RPGR: variants seen among roughly 807,000 people sequenced by gnomAD.
RPGR encodes the protein X-linked retinitis pigmentosa GTPase regulator.
In RPGR, 10 loss-of-function variants were observed where a neutral mutation model predicts 56.3. The ratio of observed to expected loss-of-function variants is 0.18; its 90% CI spans 0.11 to 0.30. RPGR has a LOEUF of 0.30. Among genes scored for constraint, RPGR ranks in the 10% least tolerant of loss-of-function variants. The pLI, the probability that RPGR is intolerant of heterozygous loss-of-function variation, is 1.00. For synonymous variants in RPGR, 197 were observed against 212.9 expected, an observed-to-expected ratio of 0.93 and a Z score of 0.65; for missense variants, 538 against 590.9, an observed-to-expected ratio of 0.91 and a Z score of 0.93.
At chrX:38,307,244 CACTT>C (rs1310369450) in intron 7 of RPGR, among the ~76,000 whole-genome samples, 1 of 111,768 alleles carries the variant, frequency 8.9e-6, no homozygotes, top group Non-Finnish European at 1.9e-5. Context: ...CACTCTGCCT[CACTT>C]AGTGTGTCCC....
chrX:38,321,169 T>C lies in RPGR; in HGVS notation c.248-80A>G, dbSNP rs542009287. ...TCCAGGACAAATGGTAACTAAGTGA[T>C]AGAACCGAGATTTAATAGCGGGCTT... is the stretch of plus-strand genomic sequence containing the variant. On this transcript the variant is annotated intron_variant, in intron 3 of 18. Transcript: ENST00000642395. 5.2e-5 allele frequency: 38 copies of C among 726,242 alleles called. No individual in the cohort carries two copies. In the South Asian group the frequency reaches 7.1e-4, roughly 14 times the overall value. The allele number at this position is 726,242 out of a possible 1,213,427, so 59.9% of individuals were successfully genotyped here. A position where few individuals can be genotyped will look rare whatever the true frequency, so the allele number is the denominator to read the frequency against.
intron 15 of RPGR, among the ~76,000 whole-genome samples, chrX:38,282,839 C>A (rs2067056319): frequency 9.0e-6 from 1 of 110,889 alleles, no homozygotes; most frequent in Non-Finnish European, 1.9e-5. Flanking sequence ...TGCAGCTTAC[C>A]TTAAAGTCTT....
At chrX:38,295,210 A>G (rs1294241370) in intron 11 of RPGR, among the ~76,000 whole-genome samples, 1 of 111,469 alleles carries the variant, frequency 9.0e-6, no homozygotes, top group Non-Finnish European at 1.9e-5. Flanking sequence ...ACCTTTGTCT[A>G]TATTATTTTC....
At chrX:38,320,667 A>C (rs111791244) in intron 4 of RPGR, among the ~76,000 whole-genome samples, 1 of 112,046 alleles carries the variant, frequency 8.9e-6, no homozygotes, top group Non-Finnish European at 1.9e-5. Context: ...ACAAAAGCTC[A>C]TATGGATTTT....
At chrX:38,270,617 T>C (rs1453801333) in intron 18 of RPGR, among the ~76,000 whole-genome samples, 1 of 88,076 alleles carries the variant, frequency 1.1e-5, no homozygotes, top group African/African-American at 4.4e-5. Context: ...AGCGAGACTC[T>C]GTCCCCAAAA....
intron 5 of RPGR, 31 bp downstream of exon 5, chrX:38,318,798 T>C (rs1485723048): frequency 2.5e-6 from 3 of 1,203,964 alleles, no homozygotes; most frequent in East Asian, 3.0e-5. Flanking sequence ...GAAAGGAATG[T>C]GTCCCAGACT....
At chrX:38,269,850 C>T (rs1217014205) in intron 18 of RPGR, 4 of 1,082,484 alleles carry the variant, frequency 3.7e-6, no homozygotes, top group South Asian at 1.9e-5. Context: ...AAAAACCACA[C>T]ACACAAATAT....
At chrX:38,286,558 A>G (rs757535958) in intron 15 of RPGR, 1 of 911,251 alleles carries the variant, frequency 1.1e-6, no homozygotes, top group Non-Finnish European at 1.4e-6. Context: ...CCCTCCCTCT[A>G]CTTCCCCTCC....
At chrX:38,315,953 A>G (rs1035310856) in intron 6 of RPGR, among the ~76,000 whole-genome samples, 1 of 109,878 alleles carries the variant, frequency 9.1e-6, no homozygotes, top group Non-Finnish European at 1.9e-5. Flanking sequence ...TTTCTGATCT[A>G]CAAATTCAAC....
chrX:38,312,550 C>T (rs760994903), intron 6 of RPGR, among the ~76,000 whole-genome samples: 1 of 111,616 alleles, frequency 9.0e-6, no homozygotes, highest in African/African-American at 3.3e-5. Context: ...ATTAGGTTCC[C>T]GGACTACTAA....
chrX:38,298,282 A>C (rs747033267), intron 10 of RPGR: 5,774 of 245,580 alleles, frequency 0.024, 74 homozygotes, highest in Middle Eastern at 0.041. Context: ...AAAAAAAAAA[A>C]ACACATATAT....
At chrX:38,289,407 T>C (rs930424145) in intron 13 of RPGR, among the ~76,000 whole-genome samples, 3 of 112,079 alleles carry the variant, frequency 2.7e-5, no homozygotes, top group African/African-American at 9.7e-5. Context: ...ACACTGACAT[T>C]TGAATAATAC....
At chrX:38,279,692 A>T (rs779418390) in intron 15 of RPGR, among the ~76,000 whole-genome samples, 15,179 of 110,191 alleles carry the variant, frequency 0.14, 887 homozygotes, top group Middle Eastern at 0.16. Context: ...TGAGGGACAC[A>T]TGTATGAGAT....
Position 38,297,325 on chromosome X carries a change from C to T in RPGR, c.1373G>A (p.Ser458Asn). The T allele has an allele frequency of 8.3e-7, 1 of 1,210,869 alleles. No individual in the cohort carries two copies. ...CATGAGGTCCTGTTCAGATAAGACACTCTCTTGGAGGTTTCTCTCAGAACA... is the reference window on the plus strand; with the variant it reads ...CATGAGGTCCTGTTCAGATAAGACATTCTCTTGGAGGTTTCTCTCAGAACA... Residue 458 changes from serine (S) to asparagine (N), a missense_variant, in exon 11 of 19, where the codon AGT becomes AAT. Transcript: ENST00000642395.
intron 3 of RPGR, among the ~76,000 whole-genome samples, chrX:38,322,340 C>T (rs981596221): frequency 8.9e-6 from 1 of 111,734 alleles, no homozygotes; most frequent in Non-Finnish European, 1.9e-5. Flanking sequence ...CTCCTGATTT[C>T]AAATATTTTG....
intron 15 of RPGR, chrX:38,285,484 T>C (rs770255758): frequency 1.3e-5 from 16 of 1,209,656 alleles, no homozygotes; most frequent in Non-Finnish European, 1.7e-5. Flanking sequence ...GTGCCCGTTA[T>C]ATGCAAGGCA....
chrX:38,277,334 C>G (rs7887680), intron 15 of RPGR, among the ~76,000 whole-genome samples: 7,128 of 111,499 alleles, frequency 0.064, 286 homozygotes, highest in South Asian at 0.14. Flanking sequence ...AGAACTTGTT[C>G]TGTCTGGCTA....
Position 38,310,616 on chromosome X carries a change from C to T in RPGR, c.777G>A (p.Thr259=), listed in dbSNP as rs794727844. The T allele has an allele frequency of 2.5e-6, 3 of 1,210,894 alleles. No individual in the cohort carries two copies. The highest frequency in any genetic ancestry group is 1.8e-5 in the South Asian group (1 of 56,912). ...CAGAACAGTGGACTCCACACATACCCGTGAGAACCACAGTATGCTCTCCAC... is the reference window on the plus strand; with the variant it reads ...CAGAACAGTGGACTCCACACATACCTGTGAGAACCACAGTATGCTCTCCAC... Residue 259 remains threonine (T), a splice_region_variant and synonymous_variant, in exon 7 of 19, where the codon ACG becomes ACA. Transcript: ENST00000642395.
intron 15 of RPGR, 49 bp downstream of exon 15, chrX:38,284,359 G>T: frequency 1.9e-6 from 1 of 532,261 alleles, no homozygotes; most frequent in Non-Finnish European, 2.3e-6. Context: ...CTAAAATTCA[G>T]TATCTAATAC....
Sources: gnomAD v4.1 joint callset for allele counts (sites outside exome capture counted in the v4.1 genomes callset) on GRCh38, gnomAD v4.1.1 for gene constraint, MANE v1.5 for transcripts, NCBI Gene and HGNC (gene_info 2026-07-23, HGNC 2026-07-21) for gene names.